Variants in FAM169A observed in about 807,000 individuals in gnomAD.
FAM169A encodes soluble lamin-associated protein of 75 kDa.
FAM169A carries 24 observed loss-of-function variants against 75.7 expected under a neutral mutation model. The ratio of observed to expected loss-of-function variants is 0.32; its 90% CI spans 0.23 to 0.45. The LOEUF (loss-of-function observed/expected upper bound fraction) is 0.45. FAM169A is among the 20% of genes least tolerant of loss of function. The probability of loss-of-function intolerance (pLI) is 1.00; values close to 1 mark genes in which losing one functional copy is unlikely to be tolerated. For missense variants in FAM169A, 673 were observed against 784.0 expected (o/e 0.86, Z 1.69); for synonymous variants, 271 against 271.0 (o/e 1.00, Z 0.00).
At chr5:74,853,109 A>T (rs1372285716) in intron 1 of FAM169A, among the ~76,000 whole-genome samples, 1 of 152,192 alleles carries the variant, frequency 6.6e-6, no homozygotes, top group Non-Finnish European at 1.5e-5. Flanking sequence ...GATCACTGAT[A>T]GCCCTTCTCA....
At chr5:74,839,288 A>G (rs1748729453) in intron 3 of FAM169A, among the ~76,000 whole-genome samples, 1 of 151,948 alleles carries the variant, frequency 6.6e-6, no homozygotes, top group African/African-American at 2.4e-5. Flanking sequence ...CACAATTCCT[A>G]CATGTAGAGG....
At chr5:74,858,560 C>A (rs1749844951) in intron 1 of FAM169A, among the ~76,000 whole-genome samples, 1 of 152,050 alleles carries the variant, frequency 6.6e-6, no homozygotes. Context: ...ATGAGGGGAA[C>A]AACAGACACC....
At chr5:74,847,662 G>A (rs1006560290) in intron 1 of FAM169A, among the ~76,000 whole-genome samples, 2 of 151,954 alleles carry the variant, frequency 1.3e-5, no homozygotes, top group East Asian at 1.9e-4. Flanking sequence ...CTACCAAATC[G>A]CCAGTAGTAT....
chr5:74,811,531 T>C (rs1379548858), intron 6 of FAM169A, among the ~76,000 whole-genome samples: 2 of 152,218 alleles, frequency 1.3e-5, no homozygotes, highest in Admixed American at 6.5e-5. Context: ...TGGTTCCTGT[T>C]TTCTGGATTG....
intron 11 of FAM169A, among the ~76,000 whole-genome samples, chr5:74,787,053 G>A (rs532611642): frequency 7.2e-4 from 109 of 152,258 alleles, no homozygotes; most frequent in African/African-American, 2.5e-3. Context: ...CTAAAGTCCC[G>A]GTGGCCTCCT....
At position 74,829,904 on chromosome 5, in the gene FAM169A, C is replaced by T. The variant is rs570350406; in HGVS notation, c.490+4522G>A. ...AAGAGAATCGCTTGAACCCAGGAGG[C>T]AGAGGTTGAAGTTAGCCGAGGTCGT... is the stretch of plus-strand genomic sequence containing the variant. On this transcript the variant is annotated intron_variant, in intron 5 of 12. Transcript: ENST00000687041. Among the ~76,000 whole-genome samples, 171 of 152,124 alleles carry T rather than the reference C, an allele frequency of 1.1e-3. 1 individual carries two copies. The highest frequency in any genetic ancestry group is 3.4e-3 in the Middle Eastern group (1 of 294).
chr5:74,805,083 C>T (rs953891660), intron 7 of FAM169A, 73 bp downstream of exon 7: 18 of 1,344,926 alleles, frequency 1.3e-5, no homozygotes, highest in Middle Eastern at 1.8e-4. Context: ...TTAAACTGGA[C>T]TTATGGGCCA....
chr5:74,789,770 G>A (rs1365480119), intron 11 of FAM169A, among the ~76,000 whole-genome samples: 1 of 152,198 alleles, frequency 6.6e-6, no homozygotes, highest in African/African-American at 2.4e-5. Flanking sequence ...GACAAGTGCT[G>A]TTTGGAGCCT....
intron 1 of FAM169A, among the ~76,000 whole-genome samples, chr5:74,858,245 G>A (rs1045054269): frequency 1.3e-5 from 2 of 151,996 alleles, no homozygotes; most frequent in African/African-American, 2.4e-5. Context: ...AAAATTAGCT[G>A]GGCGTGGTGG....
At chr5:74,824,404 CTGAATTAACCAG>C (rs1747912705) in intron 5 of FAM169A, among the ~76,000 whole-genome samples, 1 of 152,152 alleles carries the variant, frequency 6.6e-6, no homozygotes, top group South Asian at 2.1e-4. Flanking sequence ...AAAACTTCCA[CTGAATTAACCAG>C]TGATTTGTTT....
At chr5:74,864,256 G>T (rs1750190993) in intron 1 of FAM169A, among the ~76,000 whole-genome samples, 1 of 152,222 alleles carries the variant, frequency 6.6e-6, no homozygotes, top group Non-Finnish European at 1.5e-5. Flanking sequence ...CCATCTTGGT[G>T]TTTCACTGTT....
At chr5:74,802,696 A>G (rs16872289) in intron 8 of FAM169A, among the ~76,000 whole-genome samples, 3,679 of 152,270 alleles carry the variant, frequency 0.024, 155 homozygotes, top group African/African-American at 0.084. Context: ...TATATGTCCA[A>G]TGCTTGCCAT....
intron 10 of FAM169A, among the ~76,000 whole-genome samples, chr5:74,798,320 C>T (rs146208828): frequency 2.5e-3 from 383 of 152,220 alleles, no homozygotes; most frequent in Middle Eastern, 0.02. Context: ...CTAACTGTTC[C>T]GTTTATGAAA....
rs916146828 is a variant in FAM169A at position 74,779,465 on chromosome 5, T to C, written c.*1995A>G. On this transcript the variant is annotated 3_prime_UTR_variant, in exon 13 of 13. Transcript: ENST00000687041. ...AACAAATCCAAGTAAAAATAAAATA[T>C]CTACAAGTGTTTTCAAATCTAAGAA... is the stretch of plus-strand genomic sequence containing the variant. 2.6e-5 allele frequency: 4 copies of C among 152,216 alleles called. No homozygotes were observed. Among genetic ancestry groups the C allele is most frequent in the Middle Eastern group, 3.4e-3 (1 of 294 alleles). The allele number at this position is 152,216 out of a possible 1,614,324, so 9.4% of individuals were successfully genotyped here.
chr5:74,778,607 A>G lies in FAM169A; in HGVS notation c.*2853T>C, dbSNP rs1190971634. 6.6e-6 allele frequency: 1 copy of G among 152,042 alleles called. No individual in the cohort carries two copies. The highest frequency in any genetic ancestry group is 1.5e-5 in the Non-Finnish European group (1 of 67,922). 9.4% of individuals were successfully genotyped at this position (152,042 alleles called of 1,614,324 possible). A position where few individuals can be genotyped will look rare whatever the true frequency, so the allele number is the denominator to read the frequency against. ...TGCTGTTTGATTTTATAAAAAAATC[A>G]TAATAGACCCTCTCACCTTTAAAAG... On this transcript the variant is annotated 3_prime_UTR_variant, in exon 13 of 13. Transcript: ENST00000687041.
intron 11 of FAM169A, among the ~76,000 whole-genome samples, chr5:74,791,499 G>A (rs1433977289): frequency 6.6e-6 from 1 of 152,188 alleles, no homozygotes; most frequent in Non-Finnish European, 1.5e-5. Context: ...ATTGCCACTT[G>A]GACACTTTGG....
chr5:74,814,193 T>C (rs1295829058), intron 5 of FAM169A, among the ~76,000 whole-genome samples, 174 bp from the exon 6 acceptor site: 3 of 152,196 alleles, frequency 2.0e-5, no homozygotes, highest in African/African-American at 7.2e-5. Context: ...CATTATAATG[T>C]ATAATGTGAT....
rs35476827 is a variant in FAM169A at position 74,857,572 on chromosome 5, GAA to G, written c.-4+8591_-4+8592del. On this transcript the variant is annotated intron_variant, in intron 1 of 12. Coordinates refer to ENST00000687041, the MANE Select transcript of FAM169A (RefSeq NM_001376049.1). ...GTGACAGAGCCAGACCTTGCCGCGG[GAA>G]AAAAAAAAAAAAAAAAAAAAAAAAA... Among the ~76,000 whole-genome samples the G allele has an allele frequency of 7.7e-3, 434 of 56,098 alleles. 3 individuals carry two copies. Among genetic ancestry groups the G allele is most frequent in the African/African-American group, 0.02 (406 of 19,842 alleles). The allele number at this position is 56,098 out of a possible 152,430, so 36.8% of individuals were successfully genotyped here.
At chr5:74,827,865 C>T (rs1177728821) in intron 5 of FAM169A, among the ~76,000 whole-genome samples, 1 of 151,892 alleles carries the variant, frequency 6.6e-6, no homozygotes, top group Non-Finnish European at 1.5e-5. Flanking sequence ...GGAGTTTCAC[C>T]ATGTCGTCTA....
Sources: allele counts gnomAD v4.1 joint callset (sites outside exome capture counted in the v4.1 genomes callset), GRCh38; gene constraint gnomAD v4.1.1; transcripts MANE v1.5; gene names NCBI Gene and HGNC (gene_info 2026-07-23, HGNC 2026-07-21).